The following OTOGL variants were observed in gnomAD, a reference collection of about 807,000 sequenced individuals.
OTOGL encodes the protein otogelin like, also known as otogelin-like protein.
A neutral mutation model predicts 318.5 loss-of-function variants in OTOGL; 285 were observed. The observed-to-expected ratio is 0.89, with a 90% CI of 0.81 to 0.99. The LOEUF (loss-of-function observed/expected upper bound fraction) is 0.99, where lower values mean the gene tolerates loss of function less well. Among genes scored for constraint, OTOGL ranks in the 50% least tolerant of loss-of-function variants. The pLI, the probability that OTOGL is intolerant of heterozygous loss-of-function variation, is 0.00. For missense variants in OTOGL, 2,899 were observed against 2,845.6 expected (o/e 1.02, Z -0.43); for synonymous variants, 987 against 936.5 (o/e 1.05, Z -0.99).
intron 26 of OTOGL, among the ~76,000 whole-genome samples, chr12:80,292,985 G>A (rs948911785): frequency 6.6e-6 from 1 of 152,096 alleles, no homozygotes; most frequent in Non-Finnish European, 1.5e-5. Flanking sequence ...ATTTGGAAAG[G>A]TTATCAAATA....
At chr12:80,319,282 A>T (rs367643393) in intron 33 of OTOGL, among the ~76,000 whole-genome samples, 9 of 152,000 alleles carry the variant, frequency 5.9e-5, no homozygotes, top group East Asian at 3.9e-4. Context: ...ACCTGTTCTG[A>T]TTGGTGGTAG....
intron 22 of OTOGL, 55 bp from the exon 23 acceptor site, chr12:80,270,047 A>T (rs979205015): frequency 1.1e-5 from 6 of 537,390 alleles, no homozygotes; most frequent in Non-Finnish European, 1.5e-5. Context: ...AATTCAGGGA[A>T]AAAAAAAAAA....
chr12:80,365,036 C>A (rs1259313964), intron 52 of OTOGL, among the ~76,000 whole-genome samples: 3 of 151,974 alleles, frequency 2.0e-5, no homozygotes, highest in African/African-American at 7.2e-5. Context: ...AAATGGAAAC[C>A]CTTATACACT....
At chr12:80,270,192 A>G in intron 23 of OTOGL, 38 bp downstream of exon 23, 1 of 1,511,762 alleles carries the variant, frequency 6.6e-7, no homozygotes, top group Non-Finnish European at 9.1e-7. Flanking sequence ...ATGAGGGTTC[A>G]GCTCTGATAC....
intron 47 of OTOGL, 121 bp from the exon 48 acceptor site, chr12:80,356,295 A>G (rs929249118): frequency 1.4e-5 from 10 of 735,402 alleles, no homozygotes; most frequent in African/African-American, 8.9e-5. Flanking sequence ...AAAAACATGC[A>G]TAATGAGAGT....
rs760193332 is a variant in OTOGL, at chr12:80,233,062, A to G, written c.782A>G (p.Asn261Ser). ...TCATGTGGCCTATGTGGAAACTACA[A>G]TGACATTCAATCTGATGATTTCATA... ...GKSCGLCGNY[N>S]DIQSDDFIIL... The change falls in exon 9 of 59, where the codon AAT becomes AGT. Residue 261 changes from asparagine (N) to serine (S), a missense_variant. Physicochemically the swap from Asn to Ser is conservative, Grantham distance 46. Around this residue, in one of 3 missense-constraint regions of OTOGL, gnomAD observed 2,607 missense variants for 2,524.9 expected, o/e 1.03. Transcript: ENST00000547103. 2.5e-5 allele frequency: 40 copies of G among 1,597,276 alleles called. No homozygotes were observed. Among genetic ancestry groups the G allele is most frequent in the Admixed American group, 1.2e-4 (7 of 60,006 alleles).
intron 9 of OTOGL, among the ~76,000 whole-genome samples, chr12:80,236,600 C>T (rs1305408970): frequency 6.6e-6 from 1 of 151,872 alleles, no homozygotes; most frequent in African/African-American, 2.4e-5. Context: ...TTCTTTAGAC[C>T]TCTAAAAAAT....
chr12:80,278,091 A>C (rs1235911350), intron 24 of OTOGL, 77 bp from the exon 25 acceptor site: 1 of 1,122,060 alleles, frequency 8.9e-7, no homozygotes, highest in Non-Finnish European at 1.3e-6. Flanking sequence ...GACAGTGTTA[A>C]TATGCTAAGA....
intron 1 of OTOGL, among the ~76,000 whole-genome samples, chr12:80,177,677 TTATATC>T (rs780502336): frequency 3.5e-4 from 54 of 152,194 alleles, no homozygotes; most frequent in Non-Finnish European, 6.8e-4. Flanking sequence ...TTGGGGGAAA[TTATATC>T]TAAACAATAT....
chr12:80,184,167 T>C (rs1357210512), intron 1 of OTOGL, among the ~76,000 whole-genome samples: 1 of 152,222 alleles, frequency 6.6e-6, no homozygotes, highest in Non-Finnish European at 1.5e-5. Context: ...CAAGCCCTTT[T>C]CTGTTCAACC....
At chr12:80,359,014 T>C (rs1257915166) in intron 52 of OTOGL, 114 bp downstream of exon 52, 2 of 877,242 alleles carry the variant, frequency 2.3e-6, no homozygotes, top group Non-Finnish European at 3.4e-6. Context: ...CCACATTAAA[T>C]TGTACTAAAG....
At chr12:80,252,276 T>C (rs1313327537) in intron 13 of OTOGL, 75 bp downstream of exon 13, 2 of 1,424,016 alleles carry the variant, frequency 1.4e-6, no homozygotes, top group Non-Finnish European at 1.9e-6. Flanking sequence ...CACATCTTCG[T>C]TTTGCTGTCC....
At chr12:80,321,191 C>T (rs1429176474) in intron 34 of OTOGL, among the ~76,000 whole-genome samples, 1 of 152,154 alleles carries the variant, frequency 6.6e-6, no homozygotes, top group Non-Finnish European at 1.5e-5. Flanking sequence ...TCAGCAGAAA[C>T]CTAATCTTAC....
At chr12:80,205,219 G>C (rs925356662) in intron 1 of OTOGL, among the ~76,000 whole-genome samples, 1 of 152,186 alleles carries the variant, frequency 6.6e-6, no homozygotes, top group Non-Finnish European at 1.5e-5. Flanking sequence ...AGTGCAAAGT[G>C]TTGTAGTAGT....
chr12:80,246,121 T>G lies in OTOGL; in HGVS notation c.1053-5572T>G, dbSNP rs11114368. Among the ~76,000 whole-genome samples the G allele has an allele frequency of 5.8e-4, 88 of 151,806 alleles. 1 individual carries two copies. The highest frequency in any genetic ancestry group is 3.5e-3 in the South Asian group (17 of 4,812). ...TGTCATCTGCAAACAGGGACAATTTTACTTCCTCTTTTCCTAATTGAATAC... is the reference window on the plus strand; with the variant it reads ...TGTCATCTGCAAACAGGGACAATTTGACTTCCTCTTTTCCTAATTGAATAC... On this transcript the variant is annotated intron_variant, in intron 11 of 58. Coordinates refer to ENST00000547103, the MANE Select transcript of OTOGL (RefSeq NM_001378609.3).
chr12:80,108,918 GTA>G (rs1304306418), intron 1 of OTOGL, among the ~76,000 whole-genome samples: 12 of 117,404 alleles, frequency 1.0e-4, no homozygotes, highest in South Asian at 2.6e-4. Context: ...ATATATATGT[GTA>G]TATATATATG....
intron 8 of OTOGL, among the ~76,000 whole-genome samples, chr12:80,231,016 A>T (rs1879313539): frequency 6.6e-6 from 1 of 152,092 alleles, no homozygotes; most frequent in South Asian, 2.1e-4. Context: ...TTCCACCTTT[A>T]TTTTCAAAAA....
At chr12:80,252,239 G>C (rs755112010) in intron 13 of OTOGL, 38 bp downstream of exon 13, 1 of 1,576,498 alleles carries the variant, frequency 6.3e-7, no homozygotes, top group African/African-American at 1.4e-5. Context: ...TGCACTCATG[G>C]AAACTAGTAC....
At chr12:80,357,719 C>T (rs1889996328) in intron 49 of OTOGL, among the ~76,000 whole-genome samples, 2 of 152,036 alleles carry the variant, frequency 1.3e-5, no homozygotes, top group South Asian at 2.1e-4. Flanking sequence ...CAAATTCCAT[C>T]CAAAGGGATT....
Sources: gnomAD v4.1 joint callset for allele counts (sites outside exome capture counted in the v4.1 genomes callset) on GRCh38, gnomAD v4.1.1 for gene constraint, gnomAD v4.1.1 regional missense constraint, MANE v1.5 for transcripts, NCBI Gene and HGNC (gene_info 2026-07-23, HGNC 2026-07-21) for gene names.